The following ERBB4 variants were observed in gnomAD, a reference collection of about 807,000 sequenced individuals.
The protein encoded by ERBB4 is erb-b2 receptor tyrosine kinase 4.
A neutral mutation model predicts 158.0 loss-of-function variants in ERBB4; 42 were observed. The ratio of observed to expected loss-of-function variants is 0.27; its 90% CI spans 0.21 to 0.34. The LOEUF (loss-of-function observed/expected upper bound fraction) is 0.34. ERBB4 is among the 10% of genes least tolerant of loss of function. ERBB4 has a pLI of 1.00. For missense variants in ERBB4, 1,333 were observed against 1,624.1 expected, an observed-to-expected ratio of 0.82 and a Z score of 3.08; for synonymous variants, 583 against 558.7, an observed-to-expected ratio of 1.04 and a Z score of -0.61.
intron 12 of ERBB4, among the ~76,000 whole-genome samples, chr2:211,681,245 T>G (rs190023523): frequency 6.7e-4 from 102 of 152,330 alleles, no homozygotes; most frequent in African/African-American, 2.3e-3. Flanking sequence ...AAATTTATAA[T>G]CCATTCACCT....
intron 19 of ERBB4, among the ~76,000 whole-genome samples, 155 bp downstream of exon 19, chr2:211,619,022 T>C (rs932736747): frequency 6.6e-6 from 1 of 152,126 alleles, no homozygotes; most frequent in Non-Finnish European, 1.5e-5. Flanking sequence ...TAATACAATG[T>C]GAATTGGTCT....
At chr2:211,615,852 A>C (rs1232784553) in intron 19 of ERBB4, among the ~76,000 whole-genome samples, 1 of 152,092 alleles carries the variant, frequency 6.6e-6, no homozygotes, top group Non-Finnish European at 1.5e-5. Flanking sequence ...AGAATATTCT[A>C]TTTCAAGCAT....
chr2:211,835,777 A>G (rs1428756857), intron 3 of ERBB4, among the ~76,000 whole-genome samples: 1 of 152,092 alleles, frequency 6.6e-6, no homozygotes, highest in Non-Finnish European at 1.5e-5. Flanking sequence ...AGTACCGTGA[A>G]GTAGGTCATG....
Position 211,616,906 on chromosome 2 carries a change from C to T in ERBB4, c.2301+2271G>A, listed in dbSNP as rs576626870. Among the ~76,000 whole-genome samples the T allele has an allele frequency of 1.7e-3, 255 of 152,152 alleles. 1 individual carries two copies. The highest frequency in any genetic ancestry group is 5.3e-3 in the African/African-American group (221 of 41,542). ...CAGAGTCTTCTGAATCTGTTGGTTA[C>T]CAAATCCATCAACCATCTAGGAAAA... On this transcript the variant is annotated intron_variant, in intron 19 of 27. Transcript: ENST00000342788.
At chr2:211,742,940 T>C (rs1489590994) in intron 5 of ERBB4, among the ~76,000 whole-genome samples, 2 of 151,916 alleles carry the variant, frequency 1.3e-5, no homozygotes, top group South Asian at 2.1e-4. Context: ...AGGAAGACTA[T>C]CATAAGTAAG....
chr2:212,282,071 G>C (rs1189093843), intron 1 of ERBB4, among the ~76,000 whole-genome samples: 1 of 151,802 alleles, frequency 6.6e-6, no homozygotes, highest in African/African-American at 2.4e-5. Context: ...TTATATTTGA[G>C]AGAATGCCAA....
intron 2 of ERBB4, among the ~76,000 whole-genome samples, chr2:212,120,415 T>C (rs2079713059): frequency 6.6e-6 from 1 of 152,188 alleles, no homozygotes; most frequent in East Asian, 1.9e-4. Flanking sequence ...AGTTCATATA[T>C]GAAATTGGGG....
At chr2:212,003,204 AGACAGAAAGAAGGAAGGAAG>A (rs1346759157) in intron 2 of ERBB4, among the ~76,000 whole-genome samples, 1,853 of 48,264 alleles carry the variant, frequency 0.038, 203 homozygotes, top group Non-Finnish European at 0.067. Flanking sequence ...AAAGAAAGAA[AGACAGAAAGAAGGAAGGAAG>A]GAAGGAAGGA....
At chr2:211,687,565 TTTTCTGTGG>T (rs2072617564) in intron 12 of ERBB4, among the ~76,000 whole-genome samples, 2 of 128,248 alleles carry the variant, frequency 1.6e-5, no homozygotes, top group African/African-American at 2.8e-5. Context: ...TGTTTGTTGT[TTTTCTGTGG>T]TGTTTGGCTG....
Position 211,943,498 on chromosome 2 carries a change from G to A in ERBB4, c.421+3932C>T, listed in dbSNP as rs151235573. Among the ~76,000 whole-genome samples the A allele has an allele frequency of 5.9e-5, 9 of 152,116 alleles. No homozygotes were observed. In the East Asian group the frequency reaches 1.2e-3, roughly 20 times the overall value. The stretch of plus-strand genomic sequence containing the variant: ...GGACCTTCCCAATGGCCTCAAGATA[G>A]AGATGATTATATGACTGAAGGGATG... On this transcript the variant is annotated intron_variant, in intron 3 of 27. Transcript: ENST00000342788.
rs369887172 is a variant in ERBB4, at chr2:211,938,559, T to A, written c.421+8871A>T. On this transcript the variant is annotated intron_variant, in intron 3 of 27. Coordinates refer to ENST00000342788, the MANE Select transcript of ERBB4 (RefSeq NM_005235.3). ...ACAGCAGTCTTGTTCAGAGGGCTCA[T>A]TGGCCACATCTGGCTACTGGCTCCT... is the stretch of plus-strand genomic sequence containing the variant. 8.7e-4 allele frequency among the ~76,000 whole-genome samples: 133 copies of A among 152,308 alleles called. 3 individuals are homozygous for A. In the South Asian group the frequency reaches 0.024, roughly 28 times the overall value.
rs541655843 is a variant in ERBB4 at position 212,065,726 on chromosome 2, A to C, written c.234+59026T>G. On this transcript the variant is annotated intron_variant, in intron 2 of 27. Coordinates refer to ENST00000342788, the MANE Select transcript of ERBB4 (RefSeq NM_005235.3). The stretch of plus-strand genomic sequence containing the variant: ...GTCATTAAGATCCCTCTGGGATATC[A>C]AGGTCAAAGTGAGTGAAGGTATTCA... Among the ~76,000 whole-genome samples the C allele has an allele frequency of 1.4e-3, 220 of 152,180 alleles. 1 individual carries two copies. The highest frequency in any genetic ancestry group is 2.7e-3 in the South Asian group (13 of 4,832).
At chr2:211,426,449 A>AT (rs1182313593) in intron 22 of ERBB4, among the ~76,000 whole-genome samples, 1 of 152,124 alleles carries the variant, frequency 6.6e-6, no homozygotes, top group African/African-American at 2.4e-5. Context: ...ATATCACAAC[A>AT]TTTTTTAAAT....
intron 1 of ERBB4, among the ~76,000 whole-genome samples, chr2:212,373,102 T>C (rs535692683): frequency 6.6e-6 from 1 of 152,346 alleles, no homozygotes; most frequent in South Asian, 2.1e-4. Flanking sequence ...CAACACTAAA[T>C]ACATTTATTA....
chr2:212,064,583 A>G (rs1299706579), intron 2 of ERBB4, among the ~76,000 whole-genome samples: 1 of 152,004 alleles, frequency 6.6e-6, no homozygotes. Flanking sequence ...GTAGGATTAT[A>G]TTTTTTCATA....
chr2:211,829,314 G>C (rs1357645192), intron 3 of ERBB4, among the ~76,000 whole-genome samples: 1 of 151,956 alleles, frequency 6.6e-6, no homozygotes, highest in Non-Finnish European at 1.5e-5. Context: ...TTAAACTTTA[G>C]TAAATAGTTA....
intron 19 of ERBB4, among the ~76,000 whole-genome samples, chr2:211,595,271 GATT>G (rs2068596434): frequency 6.6e-6 from 1 of 152,144 alleles, no homozygotes; most frequent in Non-Finnish European, 1.5e-5. Flanking sequence ...GGCTGCTGAA[GATT>G]ATTTGGCAAG....
At chr2:211,819,072 A>T (rs189000150) in intron 3 of ERBB4, among the ~76,000 whole-genome samples, 1 of 152,090 alleles carries the variant, frequency 6.6e-6, no homozygotes, top group African/African-American at 2.4e-5. Flanking sequence ...ATAAAACCCA[A>T]ATAATCTGAT....
intron 20 of ERBB4, among the ~76,000 whole-genome samples, chr2:211,508,298 C>T (rs1412378382): frequency 2.0e-5 from 3 of 151,886 alleles, no homozygotes; most frequent in Admixed American, 1.3e-4. Flanking sequence ...AAAACAACCC[C>T]ATCAAAAAGT....
Sources: allele counts gnomAD v4.1 joint callset (sites outside exome capture counted in the v4.1 genomes callset), GRCh38; gene constraint gnomAD v4.1.1; transcripts MANE v1.5; gene names NCBI Gene and HGNC (gene_info 2026-07-23, HGNC 2026-07-21).